FKBP11: variants seen among roughly 807,000 people sequenced by gnomAD.
FKBP11 encodes peptidyl-prolyl cis-trans isomerase FKBP11.
FKBP11 carries 21 observed loss-of-function variants against 24.7 expected under a neutral mutation model. The observed-to-expected ratio is 0.85, with a 90% CI of 0.60 to 1.23. The LOEUF (loss-of-function observed/expected upper bound fraction) is 1.23. FKBP11 is among the 50% of genes most tolerant of loss of function. The pLI, the probability that FKBP11 is intolerant of heterozygous loss-of-function variation, is 0.00. For missense variants in FKBP11, 245 were observed against 248.7 expected (o/e 0.99, Z 0.10); for synonymous variants, 106 against 100.6 (o/e 1.05, Z -0.32).
chr12:48,929,107 G>A (rs1249315727), upstream of FKBP11, among the ~76,000 whole-genome samples: 1 of 151,272 alleles, frequency 6.6e-6, no homozygotes, highest in Non-Finnish European at 1.5e-5. Flanking sequence ...GATTACAGGC[G>A]TGAGCCACCG....
intron 5 of FKBP11, 94 bp from the exon 6 acceptor site, chr12:48,922,295 A>AC: frequency 8.7e-7 from 1 of 1,144,254 alleles, no homozygotes; most frequent in Non-Finnish European, 1.2e-6. Flanking sequence ...GCCACAGCAA[A>AC]GCCAACAACT....
upstream of FKBP11, among the ~76,000 whole-genome samples, chr12:48,927,437 T>G (rs1296151221): frequency 2.0e-5 from 3 of 152,204 alleles, no homozygotes; most frequent in African/African-American, 4.8e-5. Context: ...CATGGGTGTA[T>G]GCATTTGTCA....
the FKBP11 span, among the ~76,000 whole-genome samples, chr12:48,935,296 G>A: frequency 4.6e-5 from 7 of 152,166 alleles, no homozygotes; most frequent in African/African-American, 1.7e-4. Context: ...TGGCAGGGGA[G>A]GCAGCAGGGA....
chr12:48,932,227 TTATATATATATATATA>T, the FKBP11 span, among the ~76,000 whole-genome samples: 23 of 37,724 alleles, frequency 6.1e-4, no homozygotes, highest in Non-Finnish European at 8.6e-4. Context: ...AAACATATAT[TTATATATATATATATA>T]TATATATATA....
chr12:48,936,870 G>A, the FKBP11 span: 2 of 152,340 alleles, frequency 1.3e-5, no homozygotes, highest in Admixed American at 1.3e-4. Context: ...GTTCAAGGAA[G>A]GAGAGGCAAT....
intron 5 of FKBP11, chr12:48,922,753 C>T: frequency 1.0e-6 from 1 of 998,828 alleles, no homozygotes; most frequent in Non-Finnish European, 1.2e-6. Context: ...TACAAATAAG[C>T]AGCACTGGGA....
At chr12:48,935,018 CAAA>C in the FKBP11 span, among the ~76,000 whole-genome samples, 116 of 87,498 alleles carry the variant, frequency 1.3e-3, no homozygotes, top group Non-Finnish European at 1.4e-3. Context: ...AATTCCGTCT[CAAA>C]AAAAAAAAAA....
chr12:48,924,484 G>T, intron 3 of FKBP11, 77 bp downstream of exon 3: 2 of 1,398,560 alleles, frequency 1.4e-6, no homozygotes, highest in Non-Finnish European at 1.0e-6. Context: ...GGGATTTCCA[G>T]GGCAGCTTTG....
At chr12:48,931,128 TAAAAAAAAAAAAAA>T (rs35482677), upstream of FKBP11, among the ~76,000 whole-genome samples, 153 of 36,226 alleles carry the variant, frequency 4.2e-3, 5 homozygotes, top group East Asian at 0.091. Context: ...GACTCCAGCT[TAAAAAAAAAAAAAA>T]AAAAAAAAAA....
upstream of FKBP11, among the ~76,000 whole-genome samples, chr12:48,927,465 T>C (rs1939993316): frequency 6.6e-6 from 1 of 152,218 alleles, no homozygotes; most frequent in African/African-American, 2.4e-5. Flanking sequence ...TCAAACTGTA[T>C]ACTTACAATC....
At chr12:48,923,480 C>A (rs1418104257) in intron 5 of FKBP11, 8 of 1,549,756 alleles carry the variant, frequency 5.2e-6, no homozygotes, top group African/African-American at 1.4e-5. Context: ...GGAAAGAAGT[C>A]CAGTGTTCTG....
At chr12:48,923,578 G>C in intron 5 of FKBP11, 1 of 1,551,846 alleles carries the variant, frequency 6.4e-7, no homozygotes, top group East Asian at 2.4e-5. Context: ...GTCATGCCAG[G>C]TGGCCTCATC....
Position 48,925,053 on chromosome 12 carries a change from T to C in FKBP11, c.188A>G (p.His63Arg), listed in dbSNP as rs773871613. 3 of 1,583,434 alleles carry C rather than the reference T, an allele frequency of 1.9e-6. No homozygotes were observed. Among genetic ancestry groups the C allele is most frequent in the Admixed American group, 3.4e-5 (2 of 59,038 alleles). The change falls in exon 2 of 6, where the codon CAC becomes CGC. Residue 63 changes from histidine (H) to arginine (R), a missense_variant. By Grantham distance (29) the His-to-Arg change is conservative. Coordinates refer to ENST00000550765, the MANE Select transcript of FKBP11 (RefSeq NM_016594.3). ...GCCCCCCAGACCCCTCACCGTGTAGTGTATGTGAAGCGTGTCTCCAAAAGC... is the reference window on the plus strand; with the variant it reads ...GCCCCCCAGACCCCTCACCGTGTAGCGTATGTGAAGCGTGTCTCCAAAAGC... ...PAAFGDTLHI[H>R]YTGSLVDGRI...
In FKBP11 at chr12:48,924,561, C is replaced by A. The variant is rs368125183; in HGVS notation, c.283G>T (p.Gly95Cys). 72 of 1,613,574 alleles carry A rather than the reference C, an allele frequency of 4.5e-5. No homozygotes were observed. The highest frequency in any genetic ancestry group is 3.5e-4 in the Admixed American group (21 of 59,996). Reference protein sequence around the residue: ...IELGQKQVIPGLEQSLLDMCV... With the variant: ...IELGQKQVIPCLEQSLLDMCV... Reference sequence around the variant, plus strand: ...GGAATGGGAGGCACAGGTCACATACCTGGAATCACCTGCTTTTGGCCAAGT... The same window carrying A: ...GGAATGGGAGGCACAGGTCACATACATGGAATCACCTGCTTTTGGCCAAGT... The change falls in exon 3 of 6, where the codon GGT becomes TGT. Residue 95 changes from glycine (G) to cysteine (C), a missense_variant and splice_region_variant. Transcript: ENST00000550765.
At chr12:48,931,131 A>G (rs1168793786), upstream of FKBP11, among the ~76,000 whole-genome samples, 1 of 104,078 alleles carries the variant, frequency 9.6e-6, no homozygotes, top group East Asian at 2.1e-4. Context: ...TCCAGCTTAA[A>G]AAAAAAAAAA....
At chr12:48,929,439 GTC>G (rs1358359083), upstream of FKBP11, among the ~76,000 whole-genome samples, 1 of 152,024 alleles carries the variant, frequency 6.6e-6, no homozygotes, top group Non-Finnish European at 1.5e-5. Flanking sequence ...CAGAGACCTT[GTC>G]TCAAAAAATA....
the FKBP11 span, among the ~76,000 whole-genome samples, chr12:48,932,247 ATATATATATATATATTTTTTTTTTT>A: frequency 8.3e-4 from 30 of 36,166 alleles, 1 homozygote; most frequent in Middle Eastern, 0.01. Context: ...ATATATATAT[ATATATATATATATATTTTTTTTTTT>A]TTTTTTTTTT....
upstream of FKBP11, among the ~76,000 whole-genome samples, chr12:48,929,647 CT>C (rs1196336761): frequency 6.6e-6 from 1 of 152,192 alleles, no homozygotes; most frequent in Non-Finnish European, 1.5e-5. Flanking sequence ...CCAAACTTGG[CT>C]TTTATTCCAT....
chr12:48,931,898 C>T, the FKBP11 span: 329 of 164,210 alleles, frequency 2.0e-3, no homozygotes, highest in Admixed American at 0.017. Context: ...GTCACCAGTG[C>T]GGTGGCGCAA....
Sources: gnomAD v4.1 joint callset for allele counts (sites outside exome capture counted in the v4.1 genomes callset) on GRCh38, gnomAD v4.1.1 for gene constraint, MANE v1.5 for transcripts, NCBI Gene and HGNC (gene_info 2026-07-23, HGNC 2026-07-21) for gene names.